Variants in MDGA2 observed in about 807,000 individuals in gnomAD.
MDGA2 encodes MAM domain containing glycosylphosphatidylinositol anchor 2.
Under a neutral mutation model 117.8 loss-of-function variants are expected in MDGA2, and 40 were observed. The observed-to-expected ratio is 0.34, with a 90% CI of 0.26 to 0.44. The LOEUF (loss-of-function observed/expected upper bound fraction) is 0.44, where lower values mean the gene tolerates loss of function less well. MDGA2 is among the 20% of genes least tolerant of loss of function. The probability of loss-of-function intolerance (pLI) is 1.00; values close to 1 mark genes in which losing one functional copy is unlikely to be tolerated. For synonymous variants in MDGA2, 452 were observed against 439.0 expected (o/e 1.03, Z -0.37); for missense variants, 1,123 against 1,250.6 (o/e 0.90, Z 1.54).
intron 10 of MDGA2, among the ~76,000 whole-genome samples, chr14:46,919,577 C>T (rs1166143218): frequency 2.0e-5 from 3 of 152,186 alleles, no homozygotes; most frequent in South Asian, 2.1e-4. Flanking sequence ...GCTTATGCAA[C>T]ATTCTGTATA....
At chr14:47,638,193 T>C (rs754668880) in intron 1 of MDGA2, among the ~76,000 whole-genome samples, 22 of 152,210 alleles carry the variant, frequency 1.4e-4, no homozygotes, top group Non-Finnish European at 2.6e-4. Context: ...TGTGTGCAGA[T>C]ATACGAATGT....
intron 2 of MDGA2, among the ~76,000 whole-genome samples, chr14:47,278,921 A>G (rs115788471): frequency 1.3e-5 from 2 of 152,074 alleles, no homozygotes; most frequent in South Asian, 4.1e-4. Flanking sequence ...TATCTTGGGG[A>G]AAGTTTGACA....
At chr14:47,174,768 A>G (rs529443529) in intron 3 of MDGA2, among the ~76,000 whole-genome samples, 1 of 152,322 alleles carries the variant, frequency 6.6e-6, no homozygotes, top group East Asian at 1.9e-4. Context: ...CACATTCAAA[A>G]GCTAGCAGAA....
chr14:47,081,912 C>T (rs1471991867), intron 6 of MDGA2, among the ~76,000 whole-genome samples: 1 of 152,040 alleles, frequency 6.6e-6, no homozygotes, highest in Non-Finnish European at 1.5e-5. Flanking sequence ...TATGTAAATA[C>T]ATCAGATTAA....
chr14:47,584,292 A>G (rs1396114210), intron 1 of MDGA2, among the ~76,000 whole-genome samples: 1 of 151,808 alleles, frequency 6.6e-6, no homozygotes, highest in African/African-American at 2.4e-5. Flanking sequence ...GATTTTTTTA[A>G]TGTAATATGT....
intron 1 of MDGA2, among the ~76,000 whole-genome samples, chr14:47,616,274 T>C (rs762100120): frequency 4.6e-5 from 7 of 152,242 alleles, no homozygotes; most frequent in Admixed American, 2.0e-4. Context: ...ACTTTGTTCC[T>C]GGCAGTAAAC....
intron 15 of MDGA2, among the ~76,000 whole-genome samples, chr14:46,854,771 T>A (rs1314601676): frequency 6.6e-6 from 1 of 151,896 alleles, no homozygotes; most frequent in Admixed American, 6.6e-5. Flanking sequence ...ATTACATTTT[T>A]TCCAGGAAAA....
chr14:47,229,689 G>GA (rs1200407002), intron 2 of MDGA2, among the ~76,000 whole-genome samples: 2 of 151,244 alleles, frequency 1.3e-5, no homozygotes, highest in African/African-American at 4.9e-5. Flanking sequence ...GCTCATGAGA[G>GA]AAAAAATAAA....
intron 3 of MDGA2, among the ~76,000 whole-genome samples, chr14:47,174,220 T>C (rs1884325476): frequency 6.6e-6 from 1 of 152,136 alleles, no homozygotes; most frequent in Admixed American, 6.6e-5. Context: ...CACCCCATTG[T>C]CAACATTAGA....
chr14:46,873,303 A>C, intron 14 of MDGA2, 130 bp downstream of exon 14: 2 of 773,552 alleles, frequency 2.6e-6, no homozygotes, highest in Non-Finnish European at 1.9e-6. Flanking sequence ...TGCAATTTGC[A>C]GATAAATCAT....
chr14:46,874,980 A>G (rs1220659796), intron 12 of MDGA2, among the ~76,000 whole-genome samples: 1 of 151,748 alleles, frequency 6.6e-6, no homozygotes, highest in Non-Finnish European at 1.5e-5. Context: ...ATAAGTTGGT[A>G]AGGTCCACTA....
chr14:47,399,060 T>A (rs932107402), intron 1 of MDGA2, among the ~76,000 whole-genome samples: 4 of 152,160 alleles, frequency 2.6e-5, no homozygotes, highest in Admixed American at 6.6e-5. Context: ...GCCCTCTGCC[T>A]CTCTAGAAGT....
intron 1 of MDGA2, among the ~76,000 whole-genome samples, chr14:47,530,619 C>A (rs1042659025): frequency 1.3e-5 from 2 of 152,038 alleles, no homozygotes; most frequent in Non-Finnish European, 2.9e-5. Context: ...TGCCGGTATA[C>A]CAAGTGCATT....
rs1467662894 is a variant in MDGA2, at chr14:47,534,423, T to C, written c.280+140094A>G. ...CTGGGTAATTTATAAAGAAAAGAGGTTTAATTGACTCACAGTTCTGGATGG... is the reference window on the plus strand; with the variant it reads ...CTGGGTAATTTATAAAGAAAAGAGGCTTAATTGACTCACAGTTCTGGATGG... On this transcript the variant is annotated intron_variant, in intron 1 of 16. Transcript: ENST00000399232. Among the ~76,000 whole-genome samples the C allele has an allele frequency of 7.3e-5, 11 of 151,314 alleles. 1 individual carries two copies. The highest frequency in any genetic ancestry group is 1.3e-4 in the Non-Finnish European group (9 of 67,778).
At chr14:47,195,942 T>C (rs1885273117) in intron 3 of MDGA2, among the ~76,000 whole-genome samples, 2 of 152,076 alleles carry the variant, frequency 1.3e-5, no homozygotes, top group African/African-American at 4.8e-5. Context: ...TAATTTTAAT[T>C]TGATTTACAT....
chr14:47,312,053 C>T (rs1299283451), intron 1 of MDGA2, among the ~76,000 whole-genome samples: 1 of 152,106 alleles, frequency 6.6e-6, no homozygotes, highest in Non-Finnish European at 1.5e-5. Context: ...CTAAACCATA[C>T]AATGTGAAAC....
At chr14:47,189,988 T>C (rs1342915230) in intron 3 of MDGA2, among the ~76,000 whole-genome samples, 4 of 152,152 alleles carry the variant, frequency 2.6e-5, no homozygotes, top group Non-Finnish European at 5.9e-5. Flanking sequence ...GTCTGCCAAA[T>C]CCCATCATTT....
chr14:47,280,736 TA>T (rs1444554420), intron 2 of MDGA2, among the ~76,000 whole-genome samples: 2 of 152,054 alleles, frequency 1.3e-5, no homozygotes, highest in East Asian at 1.9e-4. Context: ...TAAGGCCATA[TA>T]TACTTATCAC....
intron 4 of MDGA2, among the ~76,000 whole-genome samples, chr14:47,136,049 T>C (rs752074230): frequency 6.6e-6 from 1 of 152,112 alleles, no homozygotes; most frequent in Non-Finnish European, 1.5e-5. Context: ...CTTTCTAATT[T>C]TTTTCACCAA....
Sources: allele counts gnomAD v4.1 joint callset (sites outside exome capture counted in the v4.1 genomes callset), GRCh38; gene constraint gnomAD v4.1.1; transcripts MANE v1.5; gene names NCBI Gene and HGNC (gene_info 2026-07-23, HGNC 2026-07-21).